KCNIP4: variants seen among roughly 807,000 people sequenced by gnomAD.
The protein encoded by KCNIP4 is potassium voltage-gated channel interacting protein 4, also known as Kv channel-interacting protein 4.
Under a neutral mutation model 34.0 loss-of-function variants are expected in KCNIP4, and 12 were observed. That is an observed-to-expected ratio of 0.35 (90% CI 0.23 to 0.57). The LOEUF is 0.57. Ranked by LOEUF, KCNIP4 falls within the 20% of genes least tolerant of loss-of-function variation. The probability of loss-of-function intolerance (pLI) is 0.83; values close to 1 mark genes in which losing one functional copy is unlikely to be tolerated. For synonymous variants in KCNIP4, 124 were observed against 102.2 expected (o/e 1.21, Z -1.29); for missense variants, 238 against 311.7 (o/e 0.76, Z 1.78).
At chr4:21,185,059 T>A (rs1577850432) in intron 1 of KCNIP4, among the ~76,000 whole-genome samples, 1 of 152,120 alleles carries the variant, frequency 6.6e-6, no homozygotes, top group African/African-American at 2.4e-5. Context: ...TGCAAAAAAA[T>A]TCCTACGTAT....
chr4:21,628,328 C>A (rs150429711), intron 1 of KCNIP4, among the ~76,000 whole-genome samples: 1 of 152,118 alleles, frequency 6.6e-6, no homozygotes, highest in African/African-American at 2.4e-5. Context: ...TCAATCCTGC[C>A]GAGTTGCAAT....
At chr4:21,650,118 A>G (rs1370994026) in intron 1 of KCNIP4, among the ~76,000 whole-genome samples, 2 of 152,216 alleles carry the variant, frequency 1.3e-5, no homozygotes, top group Non-Finnish European at 2.9e-5. Context: ...AGAAACTAAC[A>G]GAAAAAGCAT....
Position 20,730,020 on chromosome 4 carries a change from C to T in KCNIP4, c.*62G>A. ...CAATCTATGCTAAAAGTGGTAGCTC[C>T]AACTTTAAGGGTGGTAGAATAGTTC... On this transcript the variant is annotated 3_prime_UTR_variant, in exon 9 of 9. Transcript: ENST00000382152. The T allele has an allele frequency of 1.3e-6, 2 of 1,541,396 alleles. No homozygotes were observed. Among genetic ancestry groups the T allele is most frequent in the Non-Finnish European group, 1.7e-6 (2 of 1,145,990 alleles).
chr4:21,359,969 A>C (rs977735650), intron 1 of KCNIP4, among the ~76,000 whole-genome samples: 1 of 152,140 alleles, frequency 6.6e-6, no homozygotes, highest in African/African-American at 2.4e-5. Context: ...AAATCTGAGA[A>C]GGGGATTGTG....
intron 1 of KCNIP4, among the ~76,000 whole-genome samples, chr4:21,155,513 A>G (rs1753077800): frequency 6.6e-6 from 1 of 152,180 alleles, no homozygotes; most frequent in Non-Finnish European, 1.5e-5. Context: ...AAGCTAGTTG[A>G]TTGCAGTCCT....
chr4:21,699,572 G>A (rs2109060420), intron 1 of KCNIP4, among the ~76,000 whole-genome samples: 1 of 152,240 alleles, frequency 6.6e-6, no homozygotes, highest in South Asian at 2.1e-4. Flanking sequence ...AACTGACCGT[G>A]AGATGTTTAG....
intron 1 of KCNIP4, among the ~76,000 whole-genome samples, chr4:21,456,469 C>T (rs981960686): frequency 6.8e-6 from 1 of 148,082 alleles, no homozygotes; most frequent in Non-Finnish European, 1.5e-5. Context: ...GTACTACCCA[C>T]CTATATATTT....
chr4:21,124,313 G>A (rs1213488022), intron 1 of KCNIP4, among the ~76,000 whole-genome samples: 1 of 152,116 alleles, frequency 6.6e-6, no homozygotes, highest in Non-Finnish European at 1.5e-5. Context: ...TCCCCTGATG[G>A]TGTCTCAGAG....
chr4:20,876,244 GT>G (rs1252752216), intron 2 of KCNIP4, among the ~76,000 whole-genome samples: 1 of 152,020 alleles, frequency 6.6e-6, no homozygotes, highest in Non-Finnish European at 1.5e-5. Flanking sequence ...CCATTATCTA[GT>G]AAGTGCCTTT....
At chr4:21,750,810 C>T (rs1267598029) in intron 1 of KCNIP4, among the ~76,000 whole-genome samples, 6 of 152,012 alleles carry the variant, frequency 3.9e-5, no homozygotes, top group Non-Finnish European at 8.8e-5. Flanking sequence ...AGAAGGTAGG[C>T]TACTAATGTG....
chr4:21,826,230 C>T (rs1201708894), intron 1 of KCNIP4, among the ~76,000 whole-genome samples: 1 of 152,106 alleles, frequency 6.6e-6, no homozygotes, highest in Non-Finnish European at 1.5e-5. Flanking sequence ...TCATTTTTGA[C>T]AGTTACATGG....
At chr4:21,274,750 G>A (rs1229934946) in intron 1 of KCNIP4, among the ~76,000 whole-genome samples, 3 of 152,024 alleles carry the variant, frequency 2.0e-5, no homozygotes, top group African/African-American at 7.2e-5. Context: ...ATATTTCATC[G>A]AGAGTTTTAA....
At chr4:20,898,840 T>C (rs1726850412) in intron 1 of KCNIP4, among the ~76,000 whole-genome samples, 1 of 152,212 alleles carries the variant, frequency 6.6e-6, no homozygotes, top group African/African-American at 2.4e-5. Context: ...AATTATTTTG[T>C]ACCTGCTATT....
chr4:20,816,405 A>G (rs575105859), intron 3 of KCNIP4, among the ~76,000 whole-genome samples: 1 of 152,296 alleles, frequency 6.6e-6, no homozygotes, highest in South Asian at 2.1e-4. Flanking sequence ...CAAAAAAGCA[A>G]AGGGAAGTCG....
At chr4:20,962,657 CTTATT>C (rs957368047) in intron 1 of KCNIP4, among the ~76,000 whole-genome samples, 3 of 152,184 alleles carry the variant, frequency 2.0e-5, no homozygotes, top group African/African-American at 7.2e-5. Flanking sequence ...TAAATTTTTA[CTTATT>C]TTATCATTTT....
At chr4:21,387,681 G>A (rs113616278) in intron 1 of KCNIP4, among the ~76,000 whole-genome samples, 32 of 152,214 alleles carry the variant, frequency 2.1e-4, no homozygotes, top group African/African-American at 7.2e-4. Flanking sequence ...GGACTATAAG[G>A]TTTTGTGGAC....
intron 1 of KCNIP4, among the ~76,000 whole-genome samples, chr4:21,353,508 C>T (rs567369791): frequency 1.6e-4 from 25 of 152,018 alleles, no homozygotes; most frequent in Non-Finnish European, 3.1e-4. Context: ...CATACACAAG[C>T]TTCAATAGCT....
intron 1 of KCNIP4, chr4:21,853,318 G>A (rs1267926807): frequency 6.6e-6 from 1 of 152,218 alleles, no homozygotes; most frequent in African/African-American, 2.4e-5. Context: ...CAAAGCAGTG[G>A]GACATTGTAG....
intron 1 of KCNIP4, among the ~76,000 whole-genome samples, chr4:21,884,958 C>CG (rs386356730): frequency 1.7e-4 from 25 of 150,976 alleles, no homozygotes; most frequent in Non-Finnish European, 2.9e-4. Flanking sequence ...GCCTCCCCCC[C>CG]ACTACTGTTA....
Sources: allele counts gnomAD v4.1 joint callset (sites outside exome capture counted in the v4.1 genomes callset), GRCh38; gene constraint gnomAD v4.1.1; transcripts MANE v1.5; gene names NCBI Gene and HGNC (gene_info 2026-07-23, HGNC 2026-07-21).